Variants in ANTXR1 observed in about 807,000 individuals in gnomAD.
The protein encoded by ANTXR1 is anthrax toxin receptor 1.
In ANTXR1, 19 loss-of-function variants were observed where a neutral mutation model predicts 78.1. The ratio of observed to expected loss-of-function variants is 0.24; its 90% CI spans 0.17 to 0.36. The LOEUF is 0.36. Among genes scored for constraint, ANTXR1 ranks in the 10% least tolerant of loss-of-function variants. ANTXR1 has a pLI of 1.00. For missense variants in ANTXR1, 518 were observed against 718.6 expected, an observed-to-expected ratio of 0.72 and a Z score of 3.19; for synonymous variants, 273 against 260.5, an observed-to-expected ratio of 1.05 and a Z score of -0.46.
rs537176811 is a variant in ANTXR1 at position 69,018,969 on chromosome 2, T to C, written c.152+5318T>C. 3.9e-5 allele frequency among the ~76,000 whole-genome samples: 6 copies of C among 152,294 alleles called. No homozygotes were observed. In the East Asian group the frequency reaches 5.8e-4, roughly 15 times the overall value. On this transcript the variant is annotated intron_variant, in intron 1 of 17. Transcript: ENST00000303714. ...GAAAGTATCAGGAACTCCAACCCCCTGCAACCCAGAGAAATGCTCCAGAGA... is the reference window on the plus strand; with the variant it reads ...GAAAGTATCAGGAACTCCAACCCCCCGCAACCCAGAGAAATGCTCCAGAGA...
intron 10 of ANTXR1, among the ~76,000 whole-genome samples, chr2:69,118,246 CAAAA>C (rs61565815): frequency 4.2e-5 from 4 of 94,966 alleles, no homozygotes; most frequent in East Asian, 3.0e-4. Flanking sequence ...CTTGTCTCTA[CAAAA>C]AAAAAAAAAA....
At chr2:69,074,017 A>C (rs1026058305) in intron 6 of ANTXR1, among the ~76,000 whole-genome samples, 1 of 152,230 alleles carries the variant, frequency 6.6e-6, no homozygotes, top group African/African-American at 2.4e-5. Context: ...TCATTTATTC[A>C]TTCAGTGTTA....
At chr2:69,029,521 C>A (rs1671461439) in intron 1 of ANTXR1, among the ~76,000 whole-genome samples, 1 of 150,984 alleles carries the variant, frequency 6.6e-6, no homozygotes, top group African/African-American at 2.4e-5. Flanking sequence ...TCGATAATTT[C>A]TTAAAATATA....
chr2:69,201,793 G>A (rs1411431514), intron 17 of ANTXR1, among the ~76,000 whole-genome samples: 2 of 152,198 alleles, frequency 1.3e-5, no homozygotes, highest in Non-Finnish European at 2.9e-5. Flanking sequence ...ACAGCTTTGC[G>A]AGGGAAGATG....
At chr2:69,125,588 C>A (rs1672506587) in intron 12 of ANTXR1, among the ~76,000 whole-genome samples, 1 of 152,212 alleles carries the variant, frequency 6.6e-6, no homozygotes, top group African/African-American at 2.4e-5. Flanking sequence ...GGCCTGTAAT[C>A]CCAGCACTTT....
chr2:69,211,930 T>G (rs1675054171), intron 17 of ANTXR1, among the ~76,000 whole-genome samples: 1 of 152,230 alleles, frequency 6.6e-6, no homozygotes, highest in African/African-American at 2.4e-5. Flanking sequence ...AATTATGCTG[T>G]TCCTTCTCTT....
chr2:69,196,070 A>C (rs958807037), intron 17 of ANTXR1, among the ~76,000 whole-genome samples: 2 of 152,220 alleles, frequency 1.3e-5, no homozygotes, highest in African/African-American at 4.8e-5. Context: ...ATCCAAGAAC[A>C]ATGGAATGAA....
chr2:69,051,764 A>C (rs1477912807), intron 3 of ANTXR1, among the ~76,000 whole-genome samples: 1 of 152,066 alleles, frequency 6.6e-6, no homozygotes, highest in African/African-American at 2.4e-5. Flanking sequence ...AATTTCCAAC[A>C]CATTGCTTTT....
At chr2:69,226,181 G>A (rs866834311) in intron 17 of ANTXR1, among the ~76,000 whole-genome samples, 2 of 152,184 alleles carry the variant, frequency 1.3e-5, no homozygotes, top group East Asian at 1.9e-4. Flanking sequence ...TCATTGCAGG[G>A]TCTTTGGAGA....
intron 1 of ANTXR1, among the ~76,000 whole-genome samples, chr2:69,021,067 A>G (rs889848494): frequency 6.6e-6 from 1 of 152,208 alleles, no homozygotes; most frequent in Non-Finnish European, 1.5e-5. Context: ...AAGTAAAGTC[A>G]ATTTTAGATC....
intron 1 of ANTXR1, among the ~76,000 whole-genome samples, chr2:69,024,619 C>T (rs1671289234): frequency 6.6e-6 from 1 of 152,130 alleles, no homozygotes; most frequent in Admixed American, 6.5e-5. Context: ...TCATCTCCTC[C>T]TCAATTTATG....
At chr2:69,126,655 G>A (rs1045961032) in intron 12 of ANTXR1, among the ~76,000 whole-genome samples, 14 of 151,700 alleles carry the variant, frequency 9.2e-5, no homozygotes, top group African/African-American at 3.2e-4. Flanking sequence ...AAGTGGGAAG[G>A]GAAGACATCT....
chr2:69,211,411 A>G (rs75586814), intron 17 of ANTXR1, among the ~76,000 whole-genome samples: 1,821 of 152,134 alleles, frequency 0.012, 39 homozygotes, highest in East Asian at 0.097. Context: ...TAGACTCCAC[A>G]TGCATCTCTC....
chr2:69,102,321 T>C (rs1209810510), intron 9 of ANTXR1, among the ~76,000 whole-genome samples: 1 of 152,238 alleles, frequency 6.6e-6, no homozygotes, highest in Non-Finnish European at 1.5e-5. Flanking sequence ...ATAATGACAG[T>C]CCTACATTGT....
At chr2:69,072,207 T>C (rs1196625461) in intron 5 of ANTXR1, among the ~76,000 whole-genome samples, 1 of 152,182 alleles carries the variant, frequency 6.6e-6, no homozygotes, top group Non-Finnish European at 1.5e-5. Flanking sequence ...ACCAGTTTGA[T>C]TTAAACTTTC....
intron 5 of ANTXR1, among the ~76,000 whole-genome samples, chr2:69,072,673 T>C (rs1670603683): frequency 6.6e-6 from 1 of 152,052 alleles, no homozygotes; most frequent in South Asian, 2.1e-4. Flanking sequence ...CAGGTGGGAG[T>C]TTGCTCACAG....
chr2:69,132,262 G>C (rs1253115153), intron 12 of ANTXR1, among the ~76,000 whole-genome samples: 2 of 152,220 alleles, frequency 1.3e-5, no homozygotes, highest in Non-Finnish European at 2.9e-5. Context: ...GCTCAGAAGA[G>C]GATGTGCTGG....
Position 69,166,674 on chromosome 2 carries a change from C to T in ANTXR1, c.1048-3574C>T, listed in dbSNP as rs10196685. Among the ~76,000 whole-genome samples, 1,186 of 152,292 alleles carry T rather than the reference C, an allele frequency of 7.8e-3. 12 individuals carry two copies. Among genetic ancestry groups the T allele is most frequent in the African/African-American group, 0.027 (1,118 of 41,558 alleles). On this transcript the variant is annotated intron_variant, in intron 13 of 17. Transcript: ENST00000303714. The stretch of plus-strand genomic sequence containing the variant: ...ATTTTCCATTAAAATATTTTATTAA[C>T]GACCCTTCAACCCTATCCATCTTCT...
In ANTXR1 at chr2:69,046,924, CAA is replaced by C. The variant is rs1261330279; in HGVS notation, c.296+2113_296+2114del. Reference sequence around the variant, plus strand: ...TGTTCAAAAGCAAGACATGAATTGGCAAAGACTTTCATTTCAGCAAAAGTTTT... The same window carrying C: ...TGTTCAAAAGCAAGACATGAATTGGCAGACTTTCATTTCAGCAAAAGTTTT... On this transcript the variant is annotated intron_variant, in intron 3 of 17. Transcript: ENST00000303714. 7.2e-5 allele frequency among the ~76,000 whole-genome samples: 11 copies of C among 152,234 alleles called. No homozygotes were observed. The South Asian group carries it at 2.3e-3, about 32-fold the overall frequency.
Sources: allele counts gnomAD v4.1 joint callset (sites outside exome capture counted in the v4.1 genomes callset), GRCh38; gene constraint gnomAD v4.1.1; transcripts MANE v1.5; gene names NCBI Gene and HGNC (gene_info 2026-07-23, HGNC 2026-07-21).